Variants in TXNRD1 observed in about 807,000 individuals in gnomAD.
The protein encoded by TXNRD1 is thioredoxin reductase 1.
TXNRD1 carries 57 observed loss-of-function variants against 80.3 expected under a neutral mutation model. The observed-to-expected ratio is 0.71, with a 90% CI of 0.57 to 0.89. The LOEUF (loss-of-function observed/expected upper bound fraction) is 0.89. Among genes scored for constraint, TXNRD1 ranks in the 40% least tolerant of loss-of-function variants. The pLI is 0.00. For synonymous variants in TXNRD1, 291 were observed against 285.2 expected (o/e 1.02, Z -0.20); for missense variants, 730 against 803.0 (o/e 0.91, Z 1.10).
At chr12:104,331,732 A>G (rs1472962857) in intron 14 of TXNRD1, 91 bp downstream of exon 14, 1 of 815,814 alleles carries the variant, frequency 1.2e-6, no homozygotes. Flanking sequence ...AAATAGTACA[A>G]AGCATTTTCA....
intron 1 of TXNRD1, among the ~76,000 whole-genome samples, chr12:104,245,368 G>A (rs1469749011): frequency 6.6e-6 from 1 of 150,896 alleles, no homozygotes; most frequent in African/African-American, 2.4e-5. Flanking sequence ...AAAATTAGCT[G>A]GGCATGGTGG....
At chr12:104,254,644 A>ATATATATATATATATATATAT (rs1555207848) in intron 2 of TXNRD1, among the ~76,000 whole-genome samples, 22 of 93,630 alleles carry the variant, frequency 2.3e-4, no homozygotes, top group Admixed American at 3.9e-4. Context: ...AAAAAAAAAA[A>ATATATATATATATATATATAT]ATATATATAT....
intron 10 of TXNRD1, among the ~76,000 whole-genome samples, chr12:104,323,684 A>C (rs1461411085): frequency 0.015 from 613 of 41,010 alleles, no homozygotes; most frequent in Admixed American, 0.028. Context: ...GGGGGCTGAC[A>C]CCCCCACCTC....
chr12:104,323,194 T>C (rs1477603415), intron 10 of TXNRD1, among the ~76,000 whole-genome samples: 6 of 136,202 alleles, frequency 4.4e-5, no homozygotes, highest in African/African-American at 1.1e-4. Context: ...AAGTCTCCCA[T>C]GTCTACTTCT....
chr12:104,291,477 C>G (rs1279767990), intron 4 of TXNRD1, among the ~76,000 whole-genome samples: 6 of 140,624 alleles, frequency 4.3e-5, no homozygotes, highest in East Asian at 2.1e-4. Context: ...CCACCGCACC[C>G]AGCTTTTTTT....
At chr12:104,325,461 A>C (rs907684128) in intron 11 of TXNRD1, 32 bp downstream of exon 11, 2 of 1,501,826 alleles carry the variant, frequency 1.3e-6, no homozygotes, top group Non-Finnish European at 1.8e-6. Flanking sequence ...ATACTTTATC[A>C]GAAAGCAAAT....
chr12:104,290,911 G>A (rs1300403948), intron 4 of TXNRD1: 2 of 577,306 alleles, frequency 3.5e-6, no homozygotes. Flanking sequence ...CTTTTTATAA[G>A]CTTTGGAACT....
rs190764053 is a variant in TXNRD1 at position 104,306,377 on chromosome 12, T to G, written c.415-4913T>G. On this transcript the variant is annotated intron_variant, in intron 4 of 16. Transcript: ENST00000525566. ...AAGTTTGGGTCATTAAGAAAGTAAC[T>G]TGAGAAGGTGCAGTAAGCATACCCA... Among the ~76,000 whole-genome samples the G allele has an allele frequency of 9.4e-4, 143 of 152,338 alleles. No homozygotes were observed. In the Middle Eastern group the frequency reaches 0.017, roughly 18 times the overall value.
intron 1 of TXNRD1, among the ~76,000 whole-genome samples, chr12:104,223,982 T>C (rs542805857): frequency 4.1e-4 from 62 of 152,324 alleles, no homozygotes; most frequent in African/African-American, 1.5e-3. Context: ...GATTGTTTCT[T>C]TTTGCATAGG....
intron 1 of TXNRD1, among the ~76,000 whole-genome samples, chr12:104,220,495 G>A (rs752488197): frequency 6.6e-6 from 1 of 152,048 alleles, no homozygotes; most frequent in Middle Eastern, 3.2e-3. Flanking sequence ...AGGCCAAGGC[G>A]GGTGGATCAT....
chr12:104,316,449 G>T (rs1008354014), intron 7 of TXNRD1, among the ~76,000 whole-genome samples: 12 of 152,202 alleles, frequency 7.9e-5, no homozygotes, highest in African/African-American at 2.4e-4. Context: ...GAGTGCAGTG[G>T]CACGATCTCA....
chr12:104,272,817 A>T (rs1380800404), intron 3 of TXNRD1, among the ~76,000 whole-genome samples: 1 of 151,656 alleles, frequency 6.6e-6, no homozygotes, highest in Non-Finnish European at 1.5e-5. Context: ...AAGAAAAAAA[A>T]GTAGAAGGCA....
At chr12:104,294,374 C>T (rs968778954) in intron 4 of TXNRD1, among the ~76,000 whole-genome samples, 1 of 152,014 alleles carries the variant, frequency 6.6e-6, no homozygotes, top group African/African-American at 2.4e-5. Context: ...CCAAGGAGCC[C>T]TCCGGTGGCC....
intron 3 of TXNRD1, among the ~76,000 whole-genome samples, chr12:104,283,229 C>G (rs955816389): frequency 2.6e-5 from 4 of 152,078 alleles, no homozygotes; most frequent in Non-Finnish European, 2.9e-5. Flanking sequence ...TCCTTCTCTT[C>G]TCTTCACACT....
chr12:104,345,672 A>T (rs1403920844), intron 16 of TXNRD1, among the ~76,000 whole-genome samples: 1 of 56,268 alleles, frequency 1.8e-5, no homozygotes, highest in Non-Finnish European at 3.7e-5. Flanking sequence ...GAGGAGAAAA[A>T]CAATAGTTCA....
chr12:104,240,360 C>A (rs961537166), intron 1 of TXNRD1, among the ~76,000 whole-genome samples: 4 of 65,214 alleles, frequency 6.1e-5, no homozygotes, highest in African/African-American at 3.2e-4. Context: ...TGTGAGAGAT[C>A]TCAACTGGGA....
intron 12 of TXNRD1, 37 bp downstream of exon 12, chr12:104,326,460 A>ATTTTTTTTTTTTTTTTTTTTT (rs371884469): frequency 2.0e-6 from 1 of 493,272 alleles, no homozygotes; most frequent in East Asian, 6.2e-5. Context: ...TATTTGTGGG[A>ATTTTTTTTTTTTTTTTTTTTT]TTTTTTTTTT....
intron 4 of TXNRD1, among the ~76,000 whole-genome samples, chr12:104,293,432 G>T (rs1392042172): frequency 6.6e-6 from 1 of 152,096 alleles, no homozygotes; most frequent in African/African-American, 2.4e-5. Flanking sequence ...TTCCAGTCTT[G>T]GGGGGTAGAT....
intron 1 of TXNRD1, among the ~76,000 whole-genome samples, chr12:104,230,975 C>CG (rs2032609438): frequency 6.6e-6 from 1 of 151,992 alleles, no homozygotes; most frequent in Admixed American, 6.6e-5. Context: ...AGGCACATGT[C>CG]GGGGCAAGGG....
Sources: allele counts gnomAD v4.1 joint callset (sites outside exome capture counted in the v4.1 genomes callset), GRCh38; gene constraint gnomAD v4.1.1; transcripts MANE v1.5; gene names NCBI Gene and HGNC (gene_info 2026-07-23, HGNC 2026-07-21).